Variants in COL6A2 observed in about 807,000 individuals in gnomAD.
COL6A2 encodes the protein collagen type VI alpha 2 chain, also known as collagen alpha-2(VI) chain.
In COL6A2, 90 loss-of-function variants were observed where a neutral mutation model predicts 124.9. The ratio of observed to expected loss-of-function variants is 0.72; its 90% CI spans 0.61 to 0.86. The LOEUF (loss-of-function observed/expected upper bound fraction) is 0.86, where lower values mean the gene tolerates loss of function less well. Ranked by LOEUF, COL6A2 falls within the 40% of genes least tolerant of loss-of-function variation. The pLI, the probability that COL6A2 is intolerant of heterozygous loss-of-function variation, is 0.00. For synonymous variants in COL6A2, 793 were observed against 618.2 expected, an observed-to-expected ratio of 1.28 and a Z score of -4.19; for missense variants, 1,607 against 1,502.5, an observed-to-expected ratio of 1.07 and a Z score of -1.15.
intron 4 of COL6A2, 108 bp downstream of exon 4, chr21:46,112,932 G>T: frequency 1.4e-6 from 2 of 1,420,672 alleles, no homozygotes; most frequent in South Asian, 2.3e-5. Context: ...CAGATGAGAG[G>T]AGAGGGAGTC....
chr21:46,132,759 T>G lies in COL6A2; in HGVS notation c.*207T>G. The G allele has an allele frequency of 3.4e-6, 2 of 592,086 alleles. No homozygotes were observed. The allele number at this position is 592,086 out of a possible 1,614,324, so 36.7% of individuals were successfully genotyped here. A position where few individuals can be genotyped will look rare whatever the true frequency, so the allele number is the denominator to read the frequency against. On this transcript the variant is annotated 3_prime_UTR_variant, in exon 28 of 28. Transcript: ENST00000300527. ...CAGGCCCTCCGCAGGCTGCCCGGCCTCCCTCCCCCTGCAGCCATCCCAAGG... is the reference window on the plus strand; with the variant it reads ...CAGGCCCTCCGCAGGCTGCCCGGCCGCCCTCCCCCTGCAGCCATCCCAAGG...
chr21:46,110,504 G>A (rs1421640921), intron 1 of COL6A2, among the ~76,000 whole-genome samples: 1 of 152,172 alleles, frequency 6.6e-6, no homozygotes, highest in East Asian at 1.9e-4. Flanking sequence ...CTTTGGGAAC[G>A]GACTTCATTC....
intron 1 of COL6A2, among the ~76,000 whole-genome samples, chr21:46,110,349 T>TA (rs1017292459): frequency 2.6e-5 from 4 of 152,212 alleles, no homozygotes; most frequent in Admixed American, 6.5e-5. Flanking sequence ...CTTTTTTTTT[T>TA]ATCAAGCTTT....
Position 46,121,760 on chromosome 21 carries a change from G to A in COL6A2, c.1521+142G>A, listed in dbSNP as rs1255977942. The A allele has an allele frequency of 3.2e-5, 26 of 824,034 alleles. No homozygotes were observed. The African/African-American group carries it at 3.7e-4, about 12-fold the overall frequency. 51.0% of individuals were successfully genotyped at this position (824,034 alleles called of 1,614,324 possible). On this transcript the variant is annotated intron_variant, in intron 18 of 27. Coordinates refer to ENST00000300527, the MANE Select transcript of COL6A2 (RefSeq NM_001849.4). ...TGTGCCTCCTGTTCTCAGCTCTGGA[G>A]TGAGGGGATGCCTCCGGGGTCCAGG...
chr21:46,132,694 G>C lies in COL6A2; in HGVS notation c.*142G>C, dbSNP rs572202411. On this transcript the variant is annotated 3_prime_UTR_variant, in exon 28 of 28. Coordinates refer to ENST00000300527, the MANE Select transcript of COL6A2 (RefSeq NM_001849.4). ...GCACCTCTCCAGCTCCTCCCACGGG[G>C]TCCCCGTAGCCCCGGCCCCCGCCCA... 5.6e-6 allele frequency: 5 copies of C among 887,364 alleles called. No homozygotes were observed. In the African/African-American group the frequency reaches 8.3e-5, roughly 15 times the overall value. 55.0% of individuals were successfully genotyped at this position (887,364 alleles called of 1,614,324 possible).
At chr21:46,114,198 G>A (rs984289828) in intron 5 of COL6A2, 125 bp downstream of exon 5, 15 of 774,836 alleles carry the variant, frequency 1.9e-5, no homozygotes, top group South Asian at 5.6e-5. Context: ...AGGCCGAGGC[G>A]GGCGGATCAC....
Position 46,111,560 on chromosome 21 carries a change from G to A in COL6A2, c.84G>A (p.Pro28=), listed in dbSNP as rs140890046. The change falls in exon 2 of 28, where the codon CCG becomes CCA. Residue 28 remains proline, a synonymous_variant. Coordinates refer to ENST00000300527, the MANE Select transcript of COL6A2 (RefSeq NM_001849.4). ...CCCAGCAGCAGGAGGTCATCTCGCC[G>A]GACACTACCGAGAGAAACAACAACT... ...IQAQQQEVIS[P]DTTERNNNCP... The A allele has an allele frequency of 1.7e-4, 274 of 1,612,710 alleles. 1 individual carries two copies. Among genetic ancestry groups the A allele is most frequent in the Admixed American group, 5.8e-4 (35 of 59,996 alleles).
At chr21:46,124,543 C>T (rs534981677) in intron 21 of COL6A2, 108 bp from the exon 22 acceptor site, 14 of 966,258 alleles carry the variant, frequency 1.4e-5, no homozygotes, top group Non-Finnish European at 1.6e-5. Context: ...GTTAGCCCCC[C>T]CCCCCGCCAA....
Position 46,126,225 on chromosome 21 carries a change from G to T in COL6A2, c.2410G>T (p.Val804Phe). The change falls in exon 26 of 28, where the codon GTC becomes TTC. Residue 804 changes from valine (V) to phenylalanine (F), a missense_variant. Val to Phe is a conservative substitution (Grantham distance 50). Coordinates refer to ENST00000300527, the MANE Select transcript of COL6A2 (RefSeq NM_001849.4). ...AEKFIDDMED[V>F]LCPDPQIVCP... is the part of the protein sequence containing the mutation. ...GAAGTTCATCGATGACATGGAGGAC[G>T]TCCTCTGCCCGGGTGAGCGTGTGGG... The T allele has an allele frequency of 2.5e-6, 4 of 1,599,840 alleles. No individual in the cohort carries two copies. Among genetic ancestry groups the T allele is most frequent in the Non-Finnish European group, 2.5e-6 (3 of 1,179,244 alleles).
rs376071139 is a variant in COL6A2 at position 46,116,737 on chromosome 21, G to A, written c.955-33G>A. ...TGCTGCTCAGGGCAGAAGGACCGGG[G>A]CTAATGGAGTTCCCTCTTCCTTCTC... On this transcript the variant is annotated intron_variant, in intron 9 of 27. Coordinates refer to ENST00000300527, the MANE Select transcript of COL6A2 (RefSeq NM_001849.4). The surrounding 1 kb of genome is among the most constrained non-coding windows in gnomAD (Gnocchi z 4.6). The A allele has an allele frequency of 6.8e-6, 11 of 1,612,984 alleles. No individual in the cohort carries two copies. In the African/African-American group the frequency reaches 9.3e-5, roughly 14 times the overall value.
chr21:46,130,868 G>A (rs574716200), intron 27 of COL6A2, among the ~76,000 whole-genome samples: 1 of 152,298 alleles, frequency 6.6e-6, no homozygotes, highest in Admixed American at 6.5e-5. Flanking sequence ...GCTCACTGAG[G>A]GAACCCCATC....
intron 21 of COL6A2, 74 bp downstream of exon 21, chr21:46,123,011 T>C: frequency 7.1e-7 from 1 of 1,402,658 alleles, no homozygotes; most frequent in South Asian, 1.1e-5. Flanking sequence ...AGCGTGTGCA[T>C]CTATGAGTAC....
At chr21:46,125,041 GAGGGCAAGGTCAGAGAGCAAGCTTGGT>G (rs2078638950) in intron 23 of COL6A2, 121 bp downstream of exon 23, 5 of 1,312,334 alleles carry the variant, frequency 3.8e-6, no homozygotes, top group Middle Eastern at 3.6e-4. Context: ...GAGGAGGTCA[GAGGGCAAGGTCAGAGAGCAAGCTTGGT>G]TGGGGAAGGT....
intron 27 of COL6A2, chr21:46,129,359 C>G (rs1477243737): frequency 1.9e-6 from 3 of 1,612,970 alleles, no homozygotes; most frequent in South Asian, 1.1e-5. Context: ...CCGTGCTGGT[C>G]TACACCGCCG....
intron 1 of COL6A2, among the ~76,000 whole-genome samples, chr21:46,111,044 G>A (rs2078391052): frequency 6.6e-6 from 1 of 152,276 alleles, no homozygotes; most frequent in East Asian, 1.9e-4. Context: ...TGGGGAAGCT[G>A]GGATCTCTCT....
intron 1 of COL6A2, among the ~76,000 whole-genome samples, chr21:46,101,368 CT>C (rs888845135): frequency 6.6e-6 from 1 of 152,252 alleles, no homozygotes. Context: ...TCTTTTTACT[CT>C]GTTAATGATG....
At chr21:46,130,868 G>C (rs574716200) in intron 27 of COL6A2, among the ~76,000 whole-genome samples, 1 of 152,180 alleles carries the variant, frequency 6.6e-6, no homozygotes, top group African/African-American at 2.4e-5. Context: ...GCTCACTGAG[G>C]GAACCCCATC....
intron 27 of COL6A2, chr21:46,128,823 TGAG>T: frequency 8.3e-7 from 1 of 1,202,530 alleles, no homozygotes; most frequent in South Asian, 1.2e-5. Context: ...GGCGGGCTCT[TGAG>T]GGGTGGCTGG....
chr21:46,109,574 G>A (rs565578564), intron 1 of COL6A2, among the ~76,000 whole-genome samples: 11 of 152,108 alleles, frequency 7.2e-5, no homozygotes, highest in East Asian at 5.8e-4. Flanking sequence ...AAGGGGCACC[G>A]GTGCCCAGCC....
Sources: allele counts gnomAD v4.1 joint callset (sites outside exome capture counted in the v4.1 genomes callset), GRCh38; gene constraint gnomAD v4.1.1; non-coding constraint Gnocchi (gnomAD v3.1); transcripts MANE v1.5; gene names NCBI Gene and HGNC (gene_info 2026-07-23, HGNC 2026-07-21).